The following LRBA variants were observed in gnomAD, a reference collection of about 807,000 sequenced individuals.
LRBA encodes lipopolysaccharide-responsive and beige-like anchor protein.
LRBA carries 176 observed loss-of-function variants against 330.0 expected under a neutral mutation model. The ratio of observed to expected loss-of-function variants is 0.53; its 90% CI spans 0.47 to 0.60. The LOEUF (loss-of-function observed/expected upper bound fraction) is 0.60, where lower values mean the gene tolerates loss of function less well. Among genes scored for constraint, LRBA ranks in the 20% least tolerant of loss-of-function variants. The probability of loss-of-function intolerance (pLI) is 0.00; values close to 1 mark genes in which losing one functional copy is unlikely to be tolerated. For synonymous variants in LRBA, 1,230 were observed against 1,193.0 expected (o/e 1.03, Z -0.64); for missense variants, 3,259 against 3,444.8 (o/e 0.95, Z 1.35).
At chr4:150,594,838 T>TTATC (rs1455855526) in intron 38 of LRBA, among the ~76,000 whole-genome samples, 1 of 151,926 alleles carries the variant, frequency 6.6e-6, no homozygotes, top group Non-Finnish European at 1.5e-5. Flanking sequence ...ATGAGTTGAT[T>TTATC]TATCTATCCA....
In LRBA at chr4:150,321,430, T is replaced by A. The variant is rs763326662; in HGVS notation, c.7453-62A>T. ...ACCCAAATAGACAAGAAGGAAAAGA[T>A]GAAGAAAGACAAGAAAGAGAGGGGG... On this transcript the variant is annotated intron_variant, in intron 49 of 56. Coordinates refer to ENST00000651943, the MANE Select transcript of LRBA (RefSeq NM_001364905.1). The surrounding 1 kb of genome is among the most constrained non-coding windows in gnomAD (Gnocchi z 4.5). 1.4e-6 allele frequency: 2 copies of A among 1,400,282 alleles called. No individual in the cohort carries two copies. Among genetic ancestry groups the A allele is most frequent in the Non-Finnish European group, 1.9e-6 (2 of 1,047,318 alleles). 86.7% of individuals were successfully genotyped at this position (1,400,282 alleles called of 1,614,324 possible). A position where few individuals can be genotyped will look rare whatever the true frequency, so the allele number is the denominator to read the frequency against.
chr4:150,878,697 A>C (rs1473558582), intron 17 of LRBA, among the ~76,000 whole-genome samples: 1 of 152,134 alleles, frequency 6.6e-6, no homozygotes, highest in African/African-American at 2.4e-5. Flanking sequence ...ATCCTCAGAG[A>C]CAATTATGAA....
In LRBA at chr4:150,852,129, G is replaced by C; in HGVS notation, c.3581C>G (p.Thr1194Ser). 6.2e-7 allele frequency: 1 copy of C among 1,614,100 alleles called. No individual in the cohort carries two copies. Among genetic ancestry groups the C allele is most frequent in the Non-Finnish European group, 8.5e-7 (1 of 1,179,964 alleles). Residue 1194 changes from threonine to serine, a missense_variant, in exon 23 of 57, where the codon ACT becomes AGT. Physicochemically the swap from Thr to Ser is moderately conservative, Grantham distance 58. Coordinates refer to ENST00000651943, the MANE Select transcript of LRBA (RefSeq NM_001364905.1). ...TTCTACAGCTATTTGGGAAACAGTA[G>C]TTTCTGGTGACATAGCTGAAGACCC... ...ASGSSAMSPE[T>S]TVSQIAVESD...
At position 150,282,663 on chromosome 4, in the gene LRBA, AAT is replaced by A. The variant is rs1479472422; in HGVS notation, c.8120-19_8120-18del. The A allele has an allele frequency of 2.0e-6, 3 of 1,537,798 alleles. No individual in the cohort carries two copies. In the East Asian group the frequency reaches 6.8e-5, roughly 35 times the overall value. ...ATGGTCCTTCTGAGAAGAGAGGAGAAATAAAAGGCAAAATTATTGAATGAAAA... is the reference window on the plus strand; with the variant it reads ...ATGGTCCTTCTGAGAAGAGAGGAGAAAAAAGGCAAAATTATTGAATGAAAA... On this transcript the variant is annotated intron_variant, in intron 54 of 56. Transcript: ENST00000651943.
intron 2 of LRBA, among the ~76,000 whole-genome samples, chr4:150,937,477 G>A (rs1735195074): frequency 6.6e-6 from 1 of 152,128 alleles, no homozygotes; most frequent in African/African-American, 2.4e-5. Flanking sequence ...TACTAGCCAT[G>A]AAATGTGAAA....
chr4:150,957,130 C>G (rs2149557268), intron 2 of LRBA, among the ~76,000 whole-genome samples: 1 of 148,892 alleles, frequency 6.7e-6, no homozygotes, highest in East Asian at 1.9e-4. Context: ...AATACCATTT[C>G]TCACTAAAAA....
chr4:150,382,475 T>C (rs963006334), intron 47 of LRBA, among the ~76,000 whole-genome samples: 1 of 151,942 alleles, frequency 6.6e-6, no homozygotes, highest in Non-Finnish European at 1.5e-5. Flanking sequence ...ATACAAAAAT[T>C]AGCTGGGCAT....
intron 22 of LRBA, among the ~76,000 whole-genome samples, chr4:150,862,888 A>C (rs1159838308): frequency 6.6e-6 from 1 of 152,018 alleles, no homozygotes; most frequent in African/African-American, 2.4e-5. Context: ...CTGAGGCAGG[A>C]GAATCGCTTG....
At chr4:150,449,351 C>G (rs2091566981) in intron 44 of LRBA, among the ~76,000 whole-genome samples, 1 of 151,848 alleles carries the variant, frequency 6.6e-6, no homozygotes, top group African/African-American at 2.4e-5. Context: ...AAATTCTTTC[C>G]TGTGGATGCC....
At chr4:151,001,260 G>A (rs1349337593) in intron 2 of LRBA, among the ~76,000 whole-genome samples, 3 of 152,116 alleles carry the variant, frequency 2.0e-5, no homozygotes, top group African/African-American at 4.8e-5. Flanking sequence ...CCCGACCGCC[G>A]ACCTAGGCTG....
At chr4:150,844,036 C>T (rs377270502) in intron 28 of LRBA, 64 bp downstream of exon 28, 11 of 997,544 alleles carry the variant, frequency 1.1e-5, no homozygotes, top group African/African-American at 1.6e-5. Flanking sequence ...AATCTCAATA[C>T]ATTAGGCCTA....
At chr4:150,576,333 A>G (rs889854205) in intron 40 of LRBA, among the ~76,000 whole-genome samples, 5 of 151,912 alleles carry the variant, frequency 3.3e-5, no homozygotes, top group Non-Finnish European at 7.4e-5. Flanking sequence ...AAAATGAGAA[A>G]AAGATACACG....
chr4:150,875,967 T>C (rs560346655), intron 17 of LRBA, among the ~76,000 whole-genome samples: 25 of 152,198 alleles, frequency 1.6e-4, no homozygotes, highest in African/African-American at 5.5e-4. Flanking sequence ...CAAGACAATG[T>C]TGAAAATTAA....
In LRBA at chr4:150,847,928, G is replaced by A. The variant is rs576209349; in HGVS notation, c.4339+890C>T. The stretch of plus-strand genomic sequence containing the variant: ...TACTTGAATGATGCTAGTTTAGAAC[G>A]TTGTTATTCCAGTGTGTTTGTAAGA... On this transcript the variant is annotated intron_variant, in intron 26 of 56. Coordinates refer to ENST00000651943, the MANE Select transcript of LRBA (RefSeq NM_001364905.1). Among the ~76,000 whole-genome samples, 10 of 152,172 alleles carry A rather than the reference G, an allele frequency of 6.6e-5. No homozygotes were observed. In the South Asian group the frequency reaches 1.0e-3, roughly 16 times the overall value.
At chr4:150,537,861 A>G (rs1434998220) in intron 40 of LRBA, among the ~76,000 whole-genome samples, 9 of 152,204 alleles carry the variant, frequency 5.9e-5, no homozygotes, top group Admixed American at 3.9e-4. Context: ...AGGCTGAGGC[A>G]TGAAAATTGC....
intron 48 of LRBA, among the ~76,000 whole-genome samples, chr4:150,337,128 G>T (rs759780827): frequency 5.9e-5 from 9 of 152,136 alleles, no homozygotes; most frequent in Admixed American, 2.0e-4. Flanking sequence ...CATTAAGAAG[G>T]TTAAATTATT....
At chr4:150,401,899 G>A (rs1273818277) in intron 47 of LRBA, among the ~76,000 whole-genome samples, 1 of 151,690 alleles carries the variant, frequency 6.6e-6, no homozygotes, top group Non-Finnish European at 1.5e-5. Context: ...TACAGAGAGG[G>A]TGAAAAAAGA....
At chr4:150,348,133 G>GCA (rs1395221863) in intron 48 of LRBA, among the ~76,000 whole-genome samples, 1 of 152,096 alleles carries the variant, frequency 6.6e-6, no homozygotes, top group African/African-American at 2.4e-5. Flanking sequence ...CTAGATTAAC[G>GCA]CACAGTAAAC....
chr4:150,721,310 A>G (rs932945572), intron 36 of LRBA: 2 of 341,410 alleles, frequency 5.9e-6, no homozygotes, highest in African/African-American at 4.4e-5. Context: ...GGGAAGTGAA[A>G]GTACTTTGTA....
Sources: allele counts gnomAD v4.1 joint callset (sites outside exome capture counted in the v4.1 genomes callset), GRCh38; gene constraint gnomAD v4.1.1; non-coding constraint Gnocchi (gnomAD v3.1); transcripts MANE v1.5; gene names NCBI Gene and HGNC (gene_info 2026-07-23, HGNC 2026-07-21).